The following KRT8 variants were observed in gnomAD, a reference collection of about 807,000 sequenced individuals.
The protein encoded by KRT8 is keratin 8, also known as keratin, type II cytoskeletal 8.
In KRT8, 24 loss-of-function variants were observed where a neutral mutation model predicts 43.0. The ratio of observed to expected loss-of-function variants is 0.56; its 90% confidence interval spans 0.40 to 0.78. The LOEUF (loss-of-function observed/expected upper bound fraction) is 0.78. KRT8 is among the 30% of genes least tolerant of loss of function. The probability of loss-of-function intolerance (pLI) is 0.00; values close to 1 mark genes in which losing one functional copy is unlikely to be tolerated. For missense variants in KRT8, 492 were observed against 638.4 expected, an observed-to-expected ratio of 0.77 and a Z score of 2.47; for synonymous variants, 214 against 261.2, an observed-to-expected ratio of 0.82 and a Z score of 1.74.
chr12:52,917,029 G>T lies in KRT8; in HGVS notation c.-46-12002C>A, dbSNP rs189041226. ...GGATATAACCAGCACCAATAGGAAG[G>T]ATTCCCCCAGAGAGAGACTTCTGCT... is the stretch of plus-strand genomic sequence containing the variant. On this transcript the variant is annotated intron_variant, in intron 2 of 6. Transcript: ENST00000546826. 3.3e-5 allele frequency among the ~76,000 whole-genome samples: 5 copies of T among 152,300 alleles called. No individual in the cohort carries two copies. In the East Asian group the frequency reaches 9.7e-4, roughly 29 times the overall value.
chr12:52,941,400 A>G (rs1942265189), intron 2 of KRT8, among the ~76,000 whole-genome samples: 1 of 151,668 alleles, frequency 6.6e-6, no homozygotes, highest in Admixed American at 6.6e-5. Flanking sequence ...GGTGGATGCT[A>G]TAAAAAGCCA....
At chr12:52,934,945 G>A (rs1190617679) in intron 2 of KRT8, among the ~76,000 whole-genome samples, 1 of 151,838 alleles carries the variant, frequency 6.6e-6, no homozygotes, top group South Asian at 2.1e-4. Context: ...CCCTAGCCTG[G>A]GCAACAAGAG....
chr12:52,900,744 C>A (rs1348085451), intron 3 of KRT8, 61 bp from the exon 4 acceptor site: 2 of 1,155,766 alleles, frequency 1.7e-6, no homozygotes, highest in Admixed American at 1.7e-5. Flanking sequence ...AACCAAGGGG[C>A]TCCCAAGGTC....
chr12:52,943,706 C>T (rs74089296), intron 2 of KRT8, among the ~76,000 whole-genome samples: 2,239 of 152,260 alleles, frequency 0.015, 39 homozygotes, highest in East Asian at 0.069. Flanking sequence ...GTGTAAAGGC[C>T]CCGCAGGTTA....
chr12:52,937,368 G>A lies in KRT8; in HGVS notation c.-47+12088C>T, dbSNP rs536688245. Among the ~76,000 whole-genome samples the A allele has an allele frequency of 1.1e-4, 16 of 148,328 alleles. No homozygotes were observed. In the South Asian group the frequency reaches 3.4e-3, roughly 31 times the overall value. ...AGCCTGGGCAACAGAACAAGACTCG[G>A]TCTCTAAAAAAAAAAAAAGAGAGAG... On this transcript the variant is annotated intron_variant, in intron 2 of 6. Transcript: ENST00000546826.
At chr12:52,937,765 G>A (rs1592185695) in intron 2 of KRT8, among the ~76,000 whole-genome samples, 1 of 150,988 alleles carries the variant, frequency 6.6e-6, no homozygotes. Context: ...TGGAGGCCAA[G>A]GCAAGTGGAT....
At chr12:52,946,374 T>C (rs1006277685) in intron 2 of KRT8, among the ~76,000 whole-genome samples, 2 of 152,162 alleles carry the variant, frequency 1.3e-5, no homozygotes, top group African/African-American at 4.8e-5. Flanking sequence ...CCTTCCTTAC[T>C]TTGAAGGAAG....
chr12:52,899,447 C>T (rs971891902), intron 5 of KRT8, among the ~76,000 whole-genome samples: 1 of 152,120 alleles, frequency 6.6e-6, no homozygotes, highest in African/African-American at 2.4e-5. Flanking sequence ...GGACTAGATC[C>T]CTGGGTTCTA....
In KRT8 at chr12:52,918,005, GGAA is replaced by G. The variant is rs1325877864; in HGVS notation, c.-46-12981_-46-12979del. Among the ~76,000 whole-genome samples, 5 of 111,144 alleles carry G rather than the reference GGAA, an allele frequency of 4.5e-5. 1 individual carries two copies. The highest frequency in any genetic ancestry group is 1.7e-4 in the African/African-American group (5 of 28,956). 72.9% of individuals were successfully genotyped at this position (111,144 alleles called of 152,430 possible). A position where few individuals can be genotyped will look rare whatever the true frequency, so the allele number is the denominator to read the frequency against. On this transcript the variant is annotated intron_variant, in intron 2 of 6. Transcript: ENST00000546826. ...AAGAAGAAGAAGGAGAGGAAGGAGA[GGAA>G]GAAGAAGGAGAAGAAGAAGAGGAGG...
chr12:52,918,256 G>GAAGAAGAAGAAA (rs1363578951), intron 2 of KRT8, among the ~76,000 whole-genome samples: 9 of 150,148 alleles, frequency 6.0e-5, no homozygotes, highest in Admixed American at 2.0e-4. Context: ...AGAAGAAGAA[G>GAAGAAGAAGAAA]AAACAAAACA....
chr12:52,949,804 G>C (rs1001443119), exon 1 of KRT8: 3 of 708,480 alleles, frequency 4.2e-6, no homozygotes, highest in Non-Finnish European at 7.8e-6. Context: ...AGGGGGAAGG[G>C]GACAGGGTTG....
chr12:52,917,574 T>C (rs544090294), intron 2 of KRT8, among the ~76,000 whole-genome samples: 116 of 151,932 alleles, frequency 7.6e-4, no homozygotes, highest in Non-Finnish European at 1.1e-3. Flanking sequence ...CTGGGCATGG[T>C]GGCACATGCC....
exon 4 of KRT8, chr12:52,900,640 C>A: frequency 1.2e-6 from 2 of 1,613,372 alleles, no homozygotes; most frequent in Non-Finnish European, 1.7e-6. Context: ...CCCTTCCAGG[C>A]GAGACTCCAG....
At chr12:52,905,229 G>A (rs1416147450), upstream of KRT8, 1 of 600,450 alleles carries the variant, frequency 1.7e-6, no homozygotes, top group Middle Eastern at 4.5e-4. Flanking sequence ...CGCCACCCAA[G>A]GGCCCGTTCC....
intron 2 of KRT8, among the ~76,000 whole-genome samples, chr12:52,917,708 C>CAAAAAAAAAAAAAAA (rs535303270): frequency 2.0e-4 from 6 of 29,954 alleles, no homozygotes; most frequent in Admixed American, 3.1e-4. Context: ...GACTCTGTCT[C>CAAAAAAAAAAAAAAA]AAAAAAAAAA....
chr12:52,939,093 A>C (rs1387670465), intron 2 of KRT8, among the ~76,000 whole-genome samples: 1 of 152,190 alleles, frequency 6.6e-6, no homozygotes, highest in Non-Finnish European at 1.5e-5. Flanking sequence ...TCTTAAAAAA[A>C]AGTAAAATAA....
At chr12:52,940,146 C>A (rs1942241898) in intron 2 of KRT8, among the ~76,000 whole-genome samples, 2 of 151,028 alleles carry the variant, frequency 1.3e-5, no homozygotes, top group South Asian at 4.2e-4. Flanking sequence ...AAAAGCTACA[C>A]ACCAGGCCAG....
chr12:52,911,984 G>A (rs1565722764), upstream of KRT8, among the ~76,000 whole-genome samples: 2 of 152,196 alleles, frequency 1.3e-5, no homozygotes, highest in Admixed American at 6.5e-5. Context: ...AGCTGAGATC[G>A]TGCCACTGCA....
intron 2 of KRT8, among the ~76,000 whole-genome samples, chr12:52,933,972 G>A (rs1424312145): frequency 2.0e-5 from 3 of 151,042 alleles, no homozygotes; most frequent in East Asian, 4.0e-4. Flanking sequence ...GCTCACGCCT[G>A]TAATCCCAGC....
Sources: gnomAD v4.1 joint callset for allele counts (sites outside exome capture counted in the v4.1 genomes callset) on GRCh38, gnomAD v4.1.1 for gene constraint, MANE v1.5 for transcripts, NCBI Gene and HGNC (gene_info 2026-07-23, HGNC 2026-07-21) for gene names.